The following SCLY variants were observed in gnomAD, a reference collection of about 807,000 sequenced individuals.
The protein encoded by SCLY is selenocysteine lyase.
In SCLY, 38 loss-of-function variants were observed where a neutral mutation model predicts 50.1. The ratio of observed to expected loss-of-function variants is 0.76; its 90% CI spans 0.59 to 0.99. SCLY has a LOEUF of 0.99. SCLY is among the 50% of genes least tolerant of loss of function. The pLI is 0.00. For missense variants in SCLY, 600 were observed against 620.0 expected, an observed-to-expected ratio of 0.97 and a Z score of 0.34; for synonymous variants, 243 against 249.4, an observed-to-expected ratio of 0.97 and a Z score of 0.24.
intron 8 of SCLY, chr2:238,091,557 A>ACCT: frequency 3.0e-6 from 1 of 332,194 alleles, no homozygotes; most frequent in African/African-American, 2.1e-5. Context: ...CACCATTCCC[A>ACCT]AAGGCGTCGG....
At chr2:238,082,002 T>C in intron 5 of SCLY, 43 bp from the exon 6 acceptor site, 1 of 1,593,946 alleles carries the variant, frequency 6.3e-7, no homozygotes, top group Non-Finnish European at 8.6e-7. Flanking sequence ...TCAGTTTTCA[T>C]CAGATCGGAG....
At chr2:238,087,050 C>T (rs1382982665) in intron 7 of SCLY, among the ~76,000 whole-genome samples, 1 of 150,652 alleles carries the variant, frequency 6.6e-6, no homozygotes, top group African/African-American at 2.4e-5. Flanking sequence ...ATTAGCTGGG[C>T]GTGGTGGCTC....
At chr2:238,079,476 C>T (rs1242420554) in intron 4 of SCLY, 1 of 152,152 alleles carries the variant, frequency 6.6e-6, no homozygotes, top group African/African-American at 2.4e-5. Context: ...TCATTTGTTC[C>T]ATGGATCTGA....
rs1357807937 is a variant in SCLY at position 238,099,309 on chromosome 2, A to G, written c.*954A>G. 2 of 471,748 alleles carry G rather than the reference A, an allele frequency of 4.2e-6. No homozygotes were observed. Among genetic ancestry groups the G allele is most frequent in the African/African-American group, 2.0e-5 (1 of 50,214 alleles). The allele number at this position is 471,748 out of a possible 1,614,324, so 29.2% of individuals were successfully genotyped here. A position where few individuals can be genotyped will look rare whatever the true frequency, so the allele number is the denominator to read the frequency against. ...TTGCATAGGAGTCATTTTCAGTGGAATAACATTTTTAATGTGTGGTTTTAC... is the reference window on the plus strand; with the variant it reads ...TTGCATAGGAGTCATTTTCAGTGGAGTAACATTTTTAATGTGTGGTTTTAC... On this transcript the variant is annotated 3_prime_UTR_variant, in exon 12 of 12. Transcript: ENST00000254663.
chr2:238,068,026 T>G (rs371497480), intron 2 of SCLY, 39 bp from the exon 3 acceptor site: 1 of 1,464,388 alleles, frequency 6.8e-7, no homozygotes, highest in Non-Finnish European at 9.5e-7. Flanking sequence ...TTGAGCTTGG[T>G]GAAGCAATGT....
Position 238,069,704 on chromosome 2 carries a change from T to C in SCLY, c.484+227T>C. ...TGCCCCTCTCGGTGCAGAGGCCAGC[T>C]GCCACAAGGGGGTTGGCAAGTGTGG... On this transcript the variant is annotated intron_variant, in intron 4 of 11. Coordinates refer to ENST00000254663, the MANE Select transcript of SCLY (RefSeq NM_016510.7). This position sits in a 1 kb window ranked among gnomAD's most constrained non-coding sequence, Gnocchi z 5.0. 1 of 445,824 alleles carries C rather than the reference T, an allele frequency of 2.2e-6. No homozygotes were observed. The highest frequency in any genetic ancestry group is 3.9e-6 in the Non-Finnish European group (1 of 254,934). The allele number at this position is 445,824 out of a possible 1,614,324, so 27.6% of individuals were successfully genotyped here.
intron 7 of SCLY, among the ~76,000 whole-genome samples, chr2:238,087,982 C>T (rs61187501): frequency 0.013 from 2,008 of 152,184 alleles, 54 homozygotes; most frequent in African/African-American, 0.046. Flanking sequence ...ATCCCAGCTA[C>T]TCAGGAGGCT....
chr2:238,084,590 C>CAAAAAAAA (rs539648649), intron 7 of SCLY, among the ~76,000 whole-genome samples: 1 of 44,690 alleles, frequency 2.2e-5, no homozygotes, highest in Non-Finnish European at 3.7e-5. Context: ...GACTCTGTCT[C>CAAAAAAAA]AAAAAAAAAA....
chr2:238,091,555 C>CG, intron 8 of SCLY: 28 of 347,374 alleles, frequency 8.1e-5, no homozygotes, highest in Admixed American at 2.6e-4. Flanking sequence ...TTCACCATTC[C>CG]CAAAGGCGTC....
In SCLY at chr2:238,098,886, T is replaced by C. The variant is rs933216852; in HGVS notation, c.*531T>C. Reference sequence around the variant, plus strand: ...CTACATGCACCTTTCCAGAGTGGTCTCTTCTCAGGCCCTTTTTAGTCCCTT... The same window carrying C: ...CTACATGCACCTTTCCAGAGTGGTCCCTTCTCAGGCCCTTTTTAGTCCCTT... On this transcript the variant is annotated 3_prime_UTR_variant, in exon 12 of 12. Coordinates refer to ENST00000254663, the MANE Select transcript of SCLY (RefSeq NM_016510.7). 1.7e-5 allele frequency: 4 copies of C among 236,810 alleles called. No homozygotes were observed. The highest frequency in any genetic ancestry group is 1.6e-4 in the Admixed American group (3 of 18,472). 14.7% of individuals were successfully genotyped at this position (236,810 alleles called of 1,614,324 possible).
rs573704237 is a variant in SCLY at position 238,083,394 on chromosome 2, G to T, written c.884+40G>T. 2 of 1,389,754 alleles carry T rather than the reference G, an allele frequency of 1.4e-6. No homozygotes were observed. The highest frequency in any genetic ancestry group is 1.4e-5 in the African/African-American group (1 of 70,096). The allele number at this position is 1,389,754 out of a possible 1,614,324, so 86.1% of individuals were successfully genotyped here. A position where few individuals can be genotyped will look rare whatever the true frequency, so the allele number is the denominator to read the frequency against. ...TAACAAAGTCTCTGACCTACTGACC[G>T]TGTCATTTGTAGAGCAGTGACATTG... On this transcript the variant is annotated intron_variant, in intron 7 of 11. Coordinates refer to ENST00000254663, the MANE Select transcript of SCLY (RefSeq NM_016510.7). This position sits in a 1 kb window ranked among gnomAD's most constrained non-coding sequence, Gnocchi z 4.3.
In SCLY at chr2:238,067,662, G is replaced by C. The variant is rs941865537; in HGVS notation, c.203-403G>C. Among the ~76,000 whole-genome samples the C allele has an allele frequency of 6.6e-6, 1 of 152,202 alleles. No individual in the cohort carries two copies. The highest frequency in any genetic ancestry group is 6.5e-5 in the Admixed American group (1 of 15,290). On this transcript the variant is annotated intron_variant, in intron 2 of 11. Transcript: ENST00000254663. This position sits in a 1 kb window ranked among gnomAD's most constrained non-coding sequence, Gnocchi z 4.3. ...GCGTCGAGTCATGAGTTCTGTTTTTGCTTATTTTTGTTGTTTGCAACTCAT... is the reference window on the plus strand; with the variant it reads ...GCGTCGAGTCATGAGTTCTGTTTTTCCTTATTTTTGTTGTTTGCAACTCAT...
At chr2:238,094,773 A>C in intron 10 of SCLY, 1 of 448,218 alleles carries the variant, frequency 2.2e-6, no homozygotes, top group South Asian at 5.3e-5. Context: ...ACTGTGGCAA[A>C]CTCTCGTGTC....
In SCLY at chr2:238,083,399, A is replaced by G. The variant is rs369938240; in HGVS notation, c.884+45A>G. On this transcript the variant is annotated intron_variant, in intron 7 of 11. Coordinates refer to ENST00000254663, the MANE Select transcript of SCLY (RefSeq NM_016510.7). This position sits in a 1 kb window ranked among gnomAD's most constrained non-coding sequence, Gnocchi z 4.3. ...AAGTCTCTGACCTACTGACCGTGTC[A>G]TTTGTAGAGCAGTGACATTGTAAAG... is the stretch of plus-strand genomic sequence containing the variant. 7.4e-7 allele frequency: 1 copy of G among 1,344,334 alleles called. No homozygotes were observed. Among genetic ancestry groups the G allele is most frequent in the Non-Finnish European group, 1.1e-6 (1 of 934,740 alleles). The allele number at this position is 1,344,334 out of a possible 1,614,324, so 83.3% of individuals were successfully genotyped here.
At chr2:238,090,334 G>T (rs573823582) in intron 7 of SCLY, among the ~76,000 whole-genome samples, 1 of 152,314 alleles carries the variant, frequency 6.6e-6, no homozygotes, top group Admixed American at 6.5e-5. Flanking sequence ...AGAGGTTTAA[G>T]AAAACTTTGT....
chr2:238,065,864 G>A (rs59603984), intron 2 of SCLY, among the ~76,000 whole-genome samples: 2,238 of 151,864 alleles, frequency 0.015, 47 homozygotes, highest in African/African-American at 0.052. Context: ...TAGTAGAGAC[G>A]GGGTTTCACC....
At position 238,096,994 on chromosome 2, in the gene SCLY, G is replaced by A. The variant is rs114966742; in HGVS notation, c.1184+118G>A. The A allele has an allele frequency of 5.3e-3, 5,435 of 1,019,684 alleles. 205 individuals carry two copies. In the African/African-American group the frequency reaches 0.081, roughly 15 times the overall value. The allele number at this position is 1,019,684 out of a possible 1,614,324, so 63.2% of individuals were successfully genotyped here. ...ACTCTGGCTGGTGAAGGACAGCCCT[G>A]TCTGGGCCCTAGGAGGGGCAGAGGG... On this transcript the variant is annotated intron_variant, in intron 11 of 11. Coordinates refer to ENST00000254663, the MANE Select transcript of SCLY (RefSeq NM_016510.7).
rs893727852 is a variant in SCLY, at chr2:238,067,762, C to T, written c.203-303C>T. Among the ~76,000 whole-genome samples the T allele has an allele frequency of 9.2e-5, 14 of 152,350 alleles. No individual in the cohort carries two copies. Among genetic ancestry groups the T allele is most frequent in the African/African-American group, 3.4e-4 (14 of 41,576 alleles). On this transcript the variant is annotated intron_variant, in intron 2 of 11. Transcript: ENST00000254663. This position sits in a 1 kb window ranked among gnomAD's most constrained non-coding sequence, Gnocchi z 4.3. ...CCACAGCTGCCCTCCCTCTAGCATC[C>T]AGTAAGAAGAAAGCCACATCTTGGG...
At position 238,069,618 on chromosome 2, in the gene SCLY, G is replaced by T; in HGVS notation, c.484+141G>T. ...CTCACTGTAACTCACTGGTTCTGAT[G>T]AGGAGGCAGGCCCTGGCACCTTGGT... On this transcript the variant is annotated intron_variant, in intron 4 of 11. Coordinates refer to ENST00000254663, the MANE Select transcript of SCLY (RefSeq NM_016510.7). This position sits in a 1 kb window ranked among gnomAD's most constrained non-coding sequence, Gnocchi z 5.0. 3 of 764,400 alleles carry T rather than the reference G, an allele frequency of 3.9e-6. No individual in the cohort carries two copies. The highest frequency in any genetic ancestry group is 4.0e-6 in the Non-Finnish European group (2 of 505,352). 47.4% of individuals were successfully genotyped at this position (764,400 alleles called of 1,614,324 possible). A position where few individuals can be genotyped will look rare whatever the true frequency, so the allele number is the denominator to read the frequency against.
Sources: allele counts gnomAD v4.1 joint callset (sites outside exome capture counted in the v4.1 genomes callset), GRCh38; gene constraint gnomAD v4.1.1; non-coding constraint Gnocchi (gnomAD v3.1); transcripts MANE v1.5; gene names NCBI Gene and HGNC (gene_info 2026-07-23, HGNC 2026-07-21).